NFIC: variants seen among roughly 807,000 people sequenced by gnomAD.
NFIC encodes nuclear factor I C, also known as nuclear factor 1 C-type.
In NFIC, 12 loss-of-function variants were observed where a neutral mutation model predicts 54.4. That is an observed-to-expected ratio of 0.22 (90% CI 0.14 to 0.36). NFIC has a LOEUF of 0.36. Ranked by LOEUF, NFIC falls within the 10% of genes least tolerant of loss-of-function variation. NFIC has a pLI of 1.00. For missense variants in NFIC, 575 were observed against 718.2 expected, an observed-to-expected ratio of 0.80 and a Z score of 2.28; for synonymous variants, 322 against 319.2, an observed-to-expected ratio of 1.01 and a Z score of -0.09.
At chr19:3,454,386 G>C (rs913314506) in intron 9 of NFIC, 10 of 503,594 alleles carry the variant, frequency 2.0e-5, no homozygotes, top group Non-Finnish European at 2.3e-5. Flanking sequence ...GGAGAAAGGA[G>C]CTACACCAGG....
At chr19:3,456,513 C>T (rs1047489702) in intron 9 of NFIC, 37 bp from the exon 10 acceptor site, 2 of 1,547,898 alleles carry the variant, frequency 1.3e-6, no homozygotes, top group Non-Finnish European at 1.7e-6. Flanking sequence ...CCCACAACCC[C>T]TCGCTAACGG....
Position 3,366,685 on chromosome 19 carries a change from C to A in NFIC, c.30+19C>A. On this transcript the variant is annotated intron_variant, in intron 1 of 10. Coordinates refer to ENST00000443272, the MANE Select transcript of NFIC (RefSeq NM_001245002.2). ...CACCCAGGTACGGTCCTCGCCCGGCCCCCCGCCGGCGCCCCCGCGCCCCCC... is the reference window on the plus strand; with the variant it reads ...CACCCAGGTACGGTCCTCGCCCGGCACCCCGCCGGCGCCCCCGCGCCCCCC... The A allele has an allele frequency of 2.9e-6, 4 of 1,390,888 alleles. No homozygotes were observed. Among genetic ancestry groups the A allele is most frequent in the Non-Finnish European group, 3.7e-6 (4 of 1,067,712 alleles). 86.2% of individuals were successfully genotyped at this position (1,390,888 alleles called of 1,614,324 possible). A position where few individuals can be genotyped will look rare whatever the true frequency, so the allele number is the denominator to read the frequency against.
At chr19:3,426,570 T>A (rs1191095245) in intron 3 of NFIC, among the ~76,000 whole-genome samples, 1 of 151,886 alleles carries the variant, frequency 6.6e-6, no homozygotes, top group Non-Finnish European at 1.5e-5. Context: ...TCAGGGCCCG[T>A]CCCTCCTCTG....
intron 1 of NFIC, among the ~76,000 whole-genome samples, chr19:3,361,297 G>A (rs1162267083): frequency 6.6e-6 from 1 of 152,156 alleles, no homozygotes; most frequent in Non-Finnish European, 1.5e-5. Context: ...CCGAGGGGTG[G>A]GTGGTTACAG....
intron 2 of NFIC, among the ~76,000 whole-genome samples, chr19:3,413,609 C>T (rs1417503125): frequency 2.6e-5 from 4 of 151,958 alleles, no homozygotes; most frequent in Non-Finnish European, 5.9e-5. Context: ...CATTTGCAGC[C>T]GAACCTAGTC....
At position 3,464,504 on chromosome 19, in the gene NFIC, C is replaced by G. The variant is rs1388209737; in HGVS notation, c.*1735C>G. 1 of 964,514 alleles carries G rather than the reference C, an allele frequency of 1.0e-6. No individual in the cohort carries two copies. Among genetic ancestry groups the G allele is most frequent in the Non-Finnish European group, 1.2e-6 (1 of 820,070 alleles). 59.7% of individuals were successfully genotyped at this position (964,514 alleles called of 1,614,324 possible). A position where few individuals can be genotyped will look rare whatever the true frequency, so the allele number is the denominator to read the frequency against. On this transcript the variant is annotated 3_prime_UTR_variant, in exon 11 of 11. Transcript: ENST00000443272. ...TTAGGTGTTTTAGGGCCACCGAGCT[C>G]AAACACAAGGACCCCTCCCCGGCCC... is the stretch of plus-strand genomic sequence containing the variant.
intron 1 of NFIC, among the ~76,000 whole-genome samples, chr19:3,379,394 G>A (rs922196940): frequency 4.1e-4 from 60 of 145,696 alleles, no homozygotes; most frequent in African/African-American, 1.3e-3. Flanking sequence ...TCACTCTGTC[G>A]CCCAGGCTGG....
chr19:3,371,483 GCAC>G (rs2081008888), intron 1 of NFIC: 1 of 63,816 alleles, frequency 1.6e-5, no homozygotes, highest in Non-Finnish European at 3.5e-5. Context: ...AATACCTGTT[GCAC>G]GAATGAATGA....
chr19:3,462,378 A>G (rs1341798482), intron 10 of NFIC, among the ~76,000 whole-genome samples: 1 of 152,224 alleles, frequency 6.6e-6, no homozygotes, highest in Non-Finnish European at 1.5e-5. Context: ...GCGAAACTCC[A>G]TCTCAAAAAA....
chr19:3,444,570 C>T (rs576103063), intron 6 of NFIC, among the ~76,000 whole-genome samples: 3 of 152,224 alleles, frequency 2.0e-5, no homozygotes, highest in Admixed American at 2.0e-4. Context: ...TTCTTTCTCG[C>T]GGTGCCTGAG....
chr19:3,401,365 C>G (rs1037731185), intron 2 of NFIC, among the ~76,000 whole-genome samples: 1 of 152,082 alleles, frequency 6.6e-6, no homozygotes, highest in Non-Finnish European at 1.5e-5. Flanking sequence ...GCAGAGTGGA[C>G]CGCCCTGGTG....
chr19:3,387,829 G>C (rs965089697), intron 2 of NFIC, among the ~76,000 whole-genome samples: 1 of 152,158 alleles, frequency 6.6e-6, no homozygotes, highest in African/African-American at 2.4e-5. Context: ...AGGGTGACCC[G>C]GGTGCTCTCC....
chr19:3,410,848 G>T (rs764440414), intron 2 of NFIC: 1 of 152,306 alleles, frequency 6.6e-6, no homozygotes, highest in Non-Finnish European at 1.5e-5. Flanking sequence ...GAGGTTGGAG[G>T]CTCCGACAGA....
At chr19:3,403,281 C>G (rs1599622248) in intron 2 of NFIC, among the ~76,000 whole-genome samples, 2 of 152,174 alleles carry the variant, frequency 1.3e-5, no homozygotes, top group African/African-American at 2.4e-5. Context: ...GTTTCCAGCC[C>G]CCTCCCACAT....
chr19:3,423,683 G>A (rs968109754), intron 2 of NFIC, among the ~76,000 whole-genome samples: 5 of 152,298 alleles, frequency 3.3e-5, no homozygotes, highest in East Asian at 1.9e-4. Context: ...CTGCCTGCGC[G>A]TCTGCCAAGG....
At chr19:3,435,248 A>C (rs537187574) in intron 6 of NFIC, 41 bp downstream of exon 6, 117 of 1,523,832 alleles carry the variant, frequency 7.7e-5, no homozygotes, top group Admixed American at 2.8e-4. Context: ...TTCCGGTCTG[A>C]GTCACCGTGG....
chr19:3,359,773 G>GA, intron 1 of NFIC: 1 of 1,307,012 alleles, frequency 7.7e-7, no homozygotes, highest in African/African-American at 1.6e-5. Context: ...GATCTGGGGG[G>GA]ACAGGGGGCG....
At chr19:3,436,153 G>A (rs1285188191) in intron 6 of NFIC, among the ~76,000 whole-genome samples, 2 of 146,182 alleles carry the variant, frequency 1.4e-5, no homozygotes, top group Admixed American at 6.8e-5. Context: ...TTGTTTGTTT[G>A]TTTGTTTTTG....
In NFIC at chr19:3,442,363, C is replaced by T. The variant is rs2082307059; in HGVS notation, c.959-6651C>T. On this transcript the variant is annotated intron_variant, in intron 6 of 10. Transcript: ENST00000443272. ...CCCCATCCATTCCTCTCCTCTGTCA[C>T]CCCAGGCTTCCCATCCCTTTTTTTT... Among the ~76,000 whole-genome samples, 3 of 151,784 alleles carry T rather than the reference C, an allele frequency of 2.0e-5. No individual in the cohort carries two copies. In the South Asian group the frequency reaches 6.2e-4, roughly 31 times the overall value.
Sources: gnomAD v4.1 joint callset for allele counts (sites outside exome capture counted in the v4.1 genomes callset) on GRCh38, gnomAD v4.1.1 for gene constraint, MANE v1.5 for transcripts, NCBI Gene and HGNC (gene_info 2026-07-23, HGNC 2026-07-21) for gene names.